The following GMNC variants were observed in gnomAD, a reference collection of about 807,000 sequenced individuals.
GMNC encodes the protein geminin coiled-coil domain containing.
In GMNC, 16 loss-of-function variants were observed where a neutral mutation model predicts 33.6. The observed-to-expected ratio is 0.48, with a 90% CI of 0.32 to 0.72. The LOEUF (loss-of-function observed/expected upper bound fraction) is 0.72. Among genes scored for constraint, GMNC ranks in the 30% least tolerant of loss-of-function variants. The pLI is 0.03. For missense variants in GMNC, 393 were observed against 388.9 expected (o/e 1.01, Z -0.09); for synonymous variants, 156 against 147.3 (o/e 1.06, Z -0.43).
rs114312442 is a variant in GMNC at position 190,855,073 on chromosome 3, T to A, written c.*222A>T. On this transcript the variant is annotated 3_prime_UTR_variant, in exon 5 of 5. Transcript: ENST00000442080. ...AGGATGTCAATAGCAGGTATTGGTGTGTAAACAAGTCAAATTTAGGTAAAA... is the reference window on the plus strand; with the variant it reads ...AGGATGTCAATAGCAGGTATTGGTGAGTAAACAAGTCAAATTTAGGTAAAA... 588 of 551,760 alleles carry A rather than the reference T, an allele frequency of 1.1e-3. 3 individuals carry two copies. The highest frequency in any genetic ancestry group is 0.01 in the African/African-American group (553 of 53,042). 34.2% of individuals were successfully genotyped at this position (551,760 alleles called of 1,614,324 possible).
chr3:190,846,353 A>C, the GMNC span, among the ~76,000 whole-genome samples: 1 of 152,238 alleles, frequency 6.6e-6, no homozygotes, highest in African/African-American at 2.4e-5. Flanking sequence ...ATTGAAAATC[A>C]TATTGCAGAA....
chr3:190,846,277 T>C, the GMNC span, among the ~76,000 whole-genome samples: 1 of 152,066 alleles, frequency 6.6e-6, no homozygotes, highest in African/African-American at 2.4e-5. Flanking sequence ...GGAAGTAACC[T>C]TCATATGAAG....
chr3:190,860,793 G>A lies in GMNC; in HGVS notation c.69C>T (p.Ser23=). The A allele has an allele frequency of 1.9e-6, 3 of 1,551,432 alleles. No individual in the cohort carries two copies. Among genetic ancestry groups the A allele is most frequent in the Non-Finnish European group, 1.7e-6 (2 of 1,146,828 alleles). Reference sequence around the variant, plus strand: ...CAACACTAGATTCTGACGTTGTAGTGGAATACGGGCAATTATAGCTCTGGC... The same window carrying A: ...CAACACTAGATTCTGACGTTGTAGTAGAATACGGGCAATTATAGCTCTGGC... ...VGGQSYNCPY[S]TTTSESSVDV... is the part of the protein sequence containing the mutation. Residue 23 remains serine (S), a synonymous_variant, in exon 2 of 5, where the codon TCC becomes TCT. Transcript: ENST00000442080.
the GMNC span, among the ~76,000 whole-genome samples, chr3:190,843,618 C>T: frequency 6.6e-6 from 1 of 152,156 alleles, no homozygotes; most frequent in Admixed American, 6.6e-5. Context: ...CCCTCCCACA[C>T]AGCAAACTCC....
At position 190,861,957 on chromosome 3, in the gene GMNC, AAGAAAAAAG is replaced by A. The variant is rs1341156387; in HGVS notation, c.3+647_3+655del. ...CATAAACAGAGAGAAAACAAATAAG[AAGAAAAAAG>A]AGAAAAAAAAGTTAAGTCAATTCAA... On this transcript the variant is annotated intron_variant, in intron 1 of 4. Coordinates refer to ENST00000442080, the MANE Select transcript of GMNC (RefSeq NM_001146686.3). This position sits in a 1 kb window ranked among gnomAD's most constrained non-coding sequence, Gnocchi z 5.1. Among the ~76,000 whole-genome samples the A allele has an allele frequency of 6.6e-6, 1 of 152,176 alleles. No homozygotes were observed. Among genetic ancestry groups the A allele is most frequent in the Admixed American group, 6.5e-5 (1 of 15,284 alleles).
At chr3:190,857,717 A>C in intron 4 of GMNC, 66 bp downstream of exon 4, 3 of 828,780 alleles carry the variant, frequency 3.6e-6, no homozygotes, top group Non-Finnish European at 6.1e-6. Flanking sequence ...GGAGTTTTAC[A>C]TAAATCATTT....
intron 4 of GMNC, among the ~76,000 whole-genome samples, chr3:190,856,385 TTATAAATATTTATATATTTATAAA>T (rs1737743463): frequency 7.1e-6 from 1 of 140,524 alleles, no homozygotes; most frequent in African/African-American, 2.7e-5. Flanking sequence ...ATAGATATAT[TTATAAATATTTATATATTTATAAA>T]TATATTAATA....
chr3:190,859,074 G>T, intron 2 of GMNC, 58 bp from the exon 3 acceptor site: 1 of 1,053,336 alleles, frequency 9.5e-7, no homozygotes. Flanking sequence ...GTGTAATAAA[G>T]AAACTTATCA....
At chr3:190,844,835 G>A in the GMNC span, among the ~76,000 whole-genome samples, 1 of 152,100 alleles carries the variant, frequency 6.6e-6, no homozygotes, top group Non-Finnish European at 1.5e-5. Context: ...AATCACTGCT[G>A]TTTGGGTTTT....
intron 2 of GMNC, among the ~76,000 whole-genome samples, chr3:190,859,457 A>G (rs1737816091): frequency 6.6e-6 from 1 of 152,134 alleles, no homozygotes; most frequent in Non-Finnish European, 1.5e-5. Context: ...CTATAATTAA[A>G]TTCTAGTCTG....
intron 2 of GMNC, among the ~76,000 whole-genome samples, chr3:190,860,290 T>C (rs1737832850): frequency 6.6e-6 from 1 of 152,224 alleles, no homozygotes; most frequent in Non-Finnish European, 1.5e-5. Flanking sequence ...ATTAAGTTAG[T>C]ATTTCTTGCT....
At chr3:190,859,468 T>C (rs1304516482) in intron 2 of GMNC, among the ~76,000 whole-genome samples, 1 of 152,214 alleles carries the variant, frequency 6.6e-6, no homozygotes, top group South Asian at 2.1e-4. Flanking sequence ...TTCTAGTCTG[T>C]AATGCTACTA....
In GMNC at chr3:190,861,821, C is replaced by A. The variant is rs954456362; in HGVS notation, c.3+792G>T. Among the ~76,000 whole-genome samples, 1 of 152,118 alleles carries A rather than the reference C, an allele frequency of 6.6e-6. No individual in the cohort carries two copies. Among genetic ancestry groups the A allele is most frequent in the East Asian group, 1.9e-4 (1 of 5,188 alleles). On this transcript the variant is annotated intron_variant, in intron 1 of 4. Transcript: ENST00000442080. This position sits in a 1 kb window ranked among gnomAD's most constrained non-coding sequence, Gnocchi z 5.1. ...CCTTCCTGGGTTAATTTGTACAACACCAAATTTAAATTATTTGTCAATGTT... is the reference window on the plus strand; with the variant it reads ...CCTTCCTGGGTTAATTTGTACAACAACAAATTTAAATTATTTGTCAATGTT...
chr3:190,858,842 T>C, intron 3 of GMNC, 86 bp downstream of exon 3: 1 of 765,050 alleles, frequency 1.3e-6, no homozygotes, highest in Non-Finnish European at 2.1e-6. Flanking sequence ...AGCATGAATT[T>C]CAAAAGGGAA....
In GMNC at chr3:190,855,288, G is replaced by A; in HGVS notation, c.*7C>T. On this transcript the variant is annotated 3_prime_UTR_variant, in exon 5 of 5. Transcript: ENST00000442080. ...CGTGGCAGTGCTTTGTGATAAAAGA[G>A]GGGTCACTAAGACTGCTTAGGGACC... 1 of 1,541,324 alleles carries A rather than the reference G, an allele frequency of 6.5e-7. No individual in the cohort carries two copies. Among genetic ancestry groups the A allele is most frequent in the Non-Finnish European group, 8.7e-7 (1 of 1,145,508 alleles).
chr3:190,859,670 TCAAAGTGCC>T, intron 2 of GMNC: 2 of 290,170 alleles, frequency 6.9e-6, no homozygotes, highest in Non-Finnish European at 1.4e-5. Flanking sequence ...AAATGTTTTT[TCAAAGTGCC>T]TTTTCCCCCC....
rs1447255219 is a variant in GMNC, at chr3:190,862,543, A to T, written c.3+70T>A. Reference sequence around the variant, plus strand: ...GCTCCGAAGGTGGAATAAATTCTAAATGCAAAGCTTATTAACTTTCAGAGA... The same window carrying T: ...GCTCCGAAGGTGGAATAAATTCTAATTGCAAAGCTTATTAACTTTCAGAGA... On this transcript the variant is annotated intron_variant, in intron 1 of 4. Transcript: ENST00000442080. This position sits in a 1 kb window ranked among gnomAD's most constrained non-coding sequence, Gnocchi z 4.5. 1.7e-6 allele frequency: 2 copies of T among 1,186,154 alleles called. No individual in the cohort carries two copies. Among genetic ancestry groups the T allele is most frequent in the Non-Finnish European group, 2.5e-6 (2 of 812,964 alleles). 73.5% of individuals were successfully genotyped at this position (1,186,154 alleles called of 1,614,324 possible). A position where few individuals can be genotyped will look rare whatever the true frequency, so the allele number is the denominator to read the frequency against.
At chr3:190,850,178 C>T (rs1737611658), downstream of GMNC, among the ~76,000 whole-genome samples, 1 of 152,188 alleles carries the variant, frequency 6.6e-6, no homozygotes. Context: ...TTCTTCAGCA[C>T]CAGAATATCC....
chr3:190,845,511 T>TG, the GMNC span, among the ~76,000 whole-genome samples: 1 of 124,008 alleles, frequency 8.1e-6, no homozygotes, highest in African/African-American at 3.9e-5. Flanking sequence ...TTGAAACCTT[T>TG]TTTTTTTTTT....
Sources: gnomAD v4.1 joint callset for allele counts (sites outside exome capture counted in the v4.1 genomes callset) on GRCh38, gnomAD v4.1.1 for gene constraint, Gnocchi (gnomAD v3.1) non-coding constraint, MANE v1.5 for transcripts, NCBI Gene and HGNC (gene_info 2026-07-23, HGNC 2026-07-21) for gene names.